SFMBT2: variants seen among roughly 807,000 people sequenced by gnomAD.
SFMBT2 encodes scm-like with four MBT domains protein 2.
Under a neutral mutation model 110.1 loss-of-function variants are expected in SFMBT2, and 38 were observed. That is an observed-to-expected ratio of 0.35 (90% CI 0.27 to 0.45). SFMBT2 has a LOEUF of 0.45. Among genes scored for constraint, SFMBT2 ranks in the 20% least tolerant of loss-of-function variants. The pLI is 1.00. For missense variants in SFMBT2, 1,011 were observed against 1,094.9 expected (o/e 0.92, Z 1.08); for synonymous variants, 425 against 425.4 (o/e 1.00, Z 0.01).
At chr10:7,322,192 C>T (rs1416736973) in intron 4 of SFMBT2, among the ~76,000 whole-genome samples, 1 of 152,206 alleles carries the variant, frequency 6.6e-6, no homozygotes, top group Non-Finnish European at 1.5e-5. Flanking sequence ...ATGAGTCTCA[C>T]TAAATCTGAT....
chr10:7,269,609 C>T (rs1181505212), intron 7 of SFMBT2, among the ~76,000 whole-genome samples: 1 of 152,058 alleles, frequency 6.6e-6, no homozygotes, highest in Non-Finnish European at 1.5e-5. Context: ...TGAATTCAAA[C>T]ACATATTCCT....
intron 4 of SFMBT2, among the ~76,000 whole-genome samples, chr10:7,341,710 C>T (rs1357087370): frequency 6.6e-6 from 1 of 152,084 alleles, no homozygotes; most frequent in Non-Finnish European, 1.5e-5. Context: ...AAAATATTTA[C>T]AGATGAAATG....
At chr10:7,400,851 G>C (rs1422686791) in intron 1 of SFMBT2, among the ~76,000 whole-genome samples, 3 of 152,128 alleles carry the variant, frequency 2.0e-5, no homozygotes, top group Non-Finnish European at 4.4e-5. Context: ...CATCCCCCCC[G>C]GCCAGGCGCG....
At chr10:7,272,785 TC>T (rs1005469881) in intron 7 of SFMBT2, among the ~76,000 whole-genome samples, 7 of 151,936 alleles carry the variant, frequency 4.6e-5, no homozygotes, top group Admixed American at 2.6e-4. Flanking sequence ...CACATTCTAA[TC>T]CCCCCTACCC....
At chr10:7,339,336 C>A (rs1334679002) in intron 4 of SFMBT2, among the ~76,000 whole-genome samples, 2 of 150,418 alleles carry the variant, frequency 1.3e-5, no homozygotes, top group South Asian at 4.1e-4. Context: ...TTGCTTCACA[C>A]TTACTCAAAT....
At chr10:7,206,567 A>T in intron 11 of SFMBT2, 1 of 985,390 alleles carries the variant, frequency 1.0e-6, no homozygotes, top group Non-Finnish European at 1.2e-6. Flanking sequence ...TGGCTATGTC[A>T]TAGAAAAGTC....
At chr10:7,398,488 C>A (rs1478030651) in intron 1 of SFMBT2, among the ~76,000 whole-genome samples, 1 of 152,198 alleles carries the variant, frequency 6.6e-6, no homozygotes, top group Middle Eastern at 3.2e-3. Flanking sequence ...CACAACAGGT[C>A]TTTGCATCAA....
intron 7 of SFMBT2, chr10:7,249,093 C>T: frequency 1.0e-6 from 1 of 980,602 alleles, no homozygotes; most frequent in South Asian, 4.7e-5. Context: ...TCTAAGAGCA[C>T]ACAGCTTACC....
intron 4 of SFMBT2, among the ~76,000 whole-genome samples, chr10:7,343,731 A>T (rs1844004857): frequency 6.6e-6 from 1 of 152,140 alleles, no homozygotes; most frequent in African/African-American, 2.4e-5. Flanking sequence ...ATTTTTTTAG[A>T]AGCCTTTCTA....
At chr10:7,273,488 T>G (rs1367952598) in intron 7 of SFMBT2, among the ~76,000 whole-genome samples, 1 of 152,220 alleles carries the variant, frequency 6.6e-6, no homozygotes, top group Non-Finnish European at 1.5e-5. Flanking sequence ...TTTTTTTAAA[T>G]TATACTTTAA....
chr10:7,307,872 C>T (rs1201404676), intron 4 of SFMBT2, among the ~76,000 whole-genome samples: 2 of 152,152 alleles, frequency 1.3e-5, no homozygotes, highest in Non-Finnish European at 2.9e-5. Flanking sequence ...AAAAAGAAAA[C>T]TACAAGCCAC....
At position 7,408,516 on chromosome 10, in the gene SFMBT2, G is replaced by C. The variant is rs1049591829; in HGVS notation, c.-52+2345C>G. ...AAACGCTTCCAGGCACCTGGCCGCT[G>C]CCAGATCAGGTTCGCGGGCCCGGAG... is the stretch of plus-strand genomic sequence containing the variant. On this transcript the variant is annotated intron_variant, in intron 1 of 20. Transcript: ENST00000397167. The surrounding 1 kb of genome is among the most constrained non-coding windows in gnomAD (Gnocchi z 5.7). Among the ~76,000 whole-genome samples the C allele has an allele frequency of 8.5e-5, 13 of 152,220 alleles. No individual in the cohort carries two copies. The highest frequency in any genetic ancestry group is 3.1e-4 in the African/African-American group (13 of 41,466).
chr10:7,273,872 G>A (rs900078624), intron 7 of SFMBT2, among the ~76,000 whole-genome samples: 10 of 152,154 alleles, frequency 6.6e-5, no homozygotes, highest in Admixed American at 1.3e-4. Context: ...ACAGTGTGGC[G>A]AGTCCTCAAG....
At chr10:7,167,248 G>C (rs973847471) in intron 20 of SFMBT2, among the ~76,000 whole-genome samples, 3 of 152,214 alleles carry the variant, frequency 2.0e-5, no homozygotes, top group Non-Finnish European at 4.4e-5. Context: ...GTCTCTGACT[G>C]ATGAAAGCTG....
At chr10:7,206,885 C>G (rs764141633) in intron 11 of SFMBT2, 1 of 985,196 alleles carries the variant, frequency 1.0e-6, no homozygotes, top group Admixed American at 6.1e-5. Context: ...TGGACTCTGA[C>G]CCCTTAGTCC....
At chr10:7,203,111 C>A (rs781138557) in intron 12 of SFMBT2, 4 of 985,238 alleles carry the variant, frequency 4.1e-6, no homozygotes, top group Non-Finnish European at 4.8e-6. Context: ...TAGACCAAAG[C>A]TTTTGGCATC....
chr10:7,306,759 AAG>A (rs761494160), intron 4 of SFMBT2, among the ~76,000 whole-genome samples: 1 of 152,214 alleles, frequency 6.6e-6, no homozygotes, highest in Non-Finnish European at 1.5e-5. Context: ...AGAGGAAGGA[AAG>A]AGAAAATGAT....
intron 13 of SFMBT2, chr10:7,200,814 AT>A (rs1838931059): frequency 6.2e-6 from 1 of 160,652 alleles, no homozygotes; most frequent in South Asian, 2.0e-4. Flanking sequence ...TATTTTAAAC[AT>A]GAAGAAACAT....
intron 1 of SFMBT2, among the ~76,000 whole-genome samples, chr10:7,399,060 C>T (rs150396159): frequency 6.6e-6 from 1 of 152,194 alleles, no homozygotes; most frequent in Admixed American, 6.5e-5. Context: ...AGAAGTTATT[C>T]TCCCACTGTC....
Sources: allele counts gnomAD v4.1 joint callset (sites outside exome capture counted in the v4.1 genomes callset), GRCh38; gene constraint gnomAD v4.1.1; non-coding constraint Gnocchi (gnomAD v3.1); transcripts MANE v1.5; gene names NCBI Gene and HGNC (gene_info 2026-07-23, HGNC 2026-07-21).